Variants in ARK2C observed in about 807,000 individuals in gnomAD.
The protein encoded by ARK2C is E3 ubiquitin-protein ligase ARK2C.
chr18:46,407,124 C>G, the ARK2C span, among the ~76,000 whole-genome samples: 6 of 152,162 alleles, frequency 3.9e-5, no homozygotes, highest in East Asian at 1.2e-3. Context: ...GTTGGGTTAC[C>G]TTTGATTTGC....
chr18:46,377,824 T>C, the ARK2C span, among the ~76,000 whole-genome samples: 2 of 152,166 alleles, frequency 1.3e-5, no homozygotes, highest in Non-Finnish European at 2.9e-5. Context: ...GCAGAATCCA[T>C]AAATGCCTGG....
At chr18:46,409,693 T>C in the ARK2C span, among the ~76,000 whole-genome samples, 1 of 152,112 alleles carries the variant, frequency 6.6e-6, no homozygotes, top group Non-Finnish European at 1.5e-5. Context: ...TGCCACTCAG[T>C]CCTCACTCTG....
the ARK2C span, among the ~76,000 whole-genome samples, chr18:46,419,734 C>T: frequency 1.3e-5 from 2 of 152,282 alleles, no homozygotes; most frequent in African/African-American, 4.8e-5. Flanking sequence ...TGGAGCCCCT[C>T]GAGGTAACTG....
the ARK2C span, among the ~76,000 whole-genome samples, chr18:46,350,382 T>C: frequency 6.6e-6 from 1 of 152,310 alleles, no homozygotes; most frequent in East Asian, 1.9e-4. Context: ...TTGGATGCCA[T>C]GTGGCCTGGG....
the ARK2C span, chr18:46,447,725 A>G: frequency 3.1e-6 from 5 of 1,613,660 alleles, no homozygotes; most frequent in African/African-American, 2.7e-5. Context: ...CCTTGCGCCT[A>G]TTGAGTGCCA....
the ARK2C span, among the ~76,000 whole-genome samples, chr18:46,424,396 T>C: frequency 1.3e-5 from 2 of 152,192 alleles, no homozygotes; most frequent in Non-Finnish European, 2.9e-5. Flanking sequence ...TGCTTAGAAC[T>C]GTGCTTTAGG....
chr18:46,421,555 C>G, the ARK2C span, among the ~76,000 whole-genome samples: 1 of 152,198 alleles, frequency 6.6e-6, no homozygotes, highest in Non-Finnish European at 1.5e-5. Context: ...TGTCCATACA[C>G]TTTGTTGGTT....
the ARK2C span, among the ~76,000 whole-genome samples, chr18:46,377,738 C>CCTT: frequency 6.6e-6 from 1 of 152,056 alleles, no homozygotes; most frequent in South Asian, 2.1e-4. Context: ...GGAGGAGTTG[C>CCTT]TATGTGATGG....
chr18:46,392,168 C>T, the ARK2C span, among the ~76,000 whole-genome samples: 1 of 152,118 alleles, frequency 6.6e-6, no homozygotes, highest in East Asian at 1.9e-4. Context: ...CACACGTGTA[C>T]CACACACATG....
the ARK2C span, among the ~76,000 whole-genome samples, chr18:46,405,360 C>A: frequency 6.6e-6 from 1 of 152,092 alleles, no homozygotes; most frequent in African/African-American, 2.4e-5. Context: ...ACAGGGCTGG[C>A]ACTCGGAAGG....
the ARK2C span, among the ~76,000 whole-genome samples, chr18:46,350,318 A>G: frequency 6.6e-6 from 1 of 152,206 alleles, no homozygotes; most frequent in Non-Finnish European, 1.5e-5. Context: ...ATACCAGGCC[A>G]CATTTGGTGT....
At chr18:46,417,287 C>T in the ARK2C span, among the ~76,000 whole-genome samples, 1 of 152,238 alleles carries the variant, frequency 6.6e-6, no homozygotes, top group African/African-American at 2.4e-5. Flanking sequence ...CAAGACCTGT[C>T]ACTTCTCTGC....
At chr18:46,427,512 T>A in the ARK2C span, among the ~76,000 whole-genome samples, 1 of 151,960 alleles carries the variant, frequency 6.6e-6, no homozygotes, top group Non-Finnish European at 1.5e-5. Flanking sequence ...CCCGGGAGGG[T>A]ACTGGCCAGC....
the ARK2C span, among the ~76,000 whole-genome samples, chr18:46,424,183 G>T: frequency 6.6e-6 from 1 of 152,210 alleles, no homozygotes; most frequent in Non-Finnish European, 1.5e-5. Context: ...GCTCCCAAGG[G>T]AGTTAACATC....
the ARK2C span, chr18:46,456,500 T>C: frequency 6.3e-7 from 1 of 1,585,190 alleles, no homozygotes; most frequent in Non-Finnish European, 8.7e-7. Flanking sequence ...GGCCTCTGAC[T>C]CTCCCTCCTC....
the ARK2C span, among the ~76,000 whole-genome samples, chr18:46,447,884 C>G: frequency 6.7e-6 from 1 of 149,732 alleles, no homozygotes; most frequent in Non-Finnish European, 1.5e-5. Flanking sequence ...TGTGCCCTGG[C>G]CTTCTTGTGT....
At chr18:46,334,302 G>T in the ARK2C span, 2 of 1,583,170 alleles carry the variant, frequency 1.3e-6, no homozygotes, top group Non-Finnish European at 1.7e-6. The surrounding 1 kb of genome is among the most constrained non-coding windows in gnomAD (Gnocchi z 4.4). Context: ...CGGCTATCTC[G>T]TGCTTCCAGT....
chr18:46,411,285 G>A, the ARK2C span, among the ~76,000 whole-genome samples: 1 of 152,212 alleles, frequency 6.6e-6, no homozygotes, highest in East Asian at 1.9e-4. Flanking sequence ...GGTTGGGTGA[G>A]TTTGCTGAAA....
the ARK2C span, among the ~76,000 whole-genome samples, chr18:46,350,723 G>A: frequency 5.3e-5 from 8 of 152,178 alleles, no homozygotes; most frequent in Non-Finnish European, 1.0e-4. Flanking sequence ...TGTCACACTG[G>A]GGGAATGAAA....
Sources: allele counts gnomAD v4.1 joint callset (sites outside exome capture counted in the v4.1 genomes callset), GRCh38; gene constraint gnomAD v4.1.1; non-coding constraint Gnocchi (gnomAD v3.1); transcripts MANE v1.5; gene names NCBI Gene and HGNC (gene_info 2026-07-23, HGNC 2026-07-21).